The following PCDHGA1 variants were observed in gnomAD, a reference collection of about 807,000 sequenced individuals.
PCDHGA1 encodes the protein protocadherin gamma subfamily A, 1.
In PCDHGA1, 32 loss-of-function variants were observed where a neutral mutation model predicts 58.0. That is an observed-to-expected ratio of 0.55 (90% CI 0.42 to 0.74). The LOEUF is 0.74. Ranked by LOEUF, PCDHGA1 falls within the 30% of genes least tolerant of loss-of-function variation. The pLI, the probability that PCDHGA1 is intolerant of heterozygous loss-of-function variation, is 0.00. For missense variants in PCDHGA1, 1,205 were observed against 1,182.3 expected (o/e 1.02, Z -0.28); for synonymous variants, 498 against 501.1 (o/e 0.99, Z 0.08).
Position 141,431,300 on chromosome 5 carries a change from A to G in PCDHGA1, c.2422-63507A>G, listed in dbSNP as rs200375087. 7.4e-6 allele frequency: 12 copies of G among 1,614,008 alleles called. No homozygotes were observed. Among genetic ancestry groups the G allele is most frequent in the Admixed American group, 1.7e-5 (1 of 60,010 alleles). ...CAGCCCGAACACTCACTTCTCCCTC[A>G]TCGTGCAAAATGGAGCCGACGGTAG... On this transcript the variant is annotated intron_variant, in intron 1 of 3. Coordinates refer to ENST00000517417, the MANE Select transcript of PCDHGA1 (RefSeq NM_018912.3). This position sits in a 1 kb window ranked among gnomAD's most constrained non-coding sequence, Gnocchi z 4.8.
At chr5:141,376,832 G>T (rs1773425503) in intron 1 of PCDHGA1, 2 of 257,250 alleles carry the variant, frequency 7.8e-6, no homozygotes, top group Non-Finnish European at 1.5e-5. Context: ...GACTACAGGC[G>T]CCCGCCACCG....
At chr5:141,473,511 C>T (rs952034051) in intron 1 of PCDHGA1, among the ~76,000 whole-genome samples, 23 of 152,108 alleles carry the variant, frequency 1.5e-4, no homozygotes, top group Non-Finnish European at 3.1e-4. Flanking sequence ...GAGAGCATAA[C>T]AAAGGATCCT....
At chr5:141,430,244 A>G (rs903055705) in intron 1 of PCDHGA1, among the ~76,000 whole-genome samples, 1 of 105,606 alleles carries the variant, frequency 9.5e-6, no homozygotes, top group Non-Finnish European at 1.8e-5. Context: ...AGAAACTCCT[A>G]GGGAGACATC....
chr5:141,482,470 C>T (rs768383368), intron 1 of PCDHGA1, among the ~76,000 whole-genome samples: 8 of 137,876 alleles, frequency 5.8e-5, no homozygotes, highest in Non-Finnish European at 1.2e-4. Flanking sequence ...ATGTGCCAGA[C>T]ACTGTAAACA....
At position 141,432,646 on chromosome 5, in the gene PCDHGA1, G is replaced by A. The variant is rs780822589; in HGVS notation, c.2422-62161G>A. 9.3e-6 allele frequency: 15 copies of A among 1,613,690 alleles called. No individual in the cohort carries two copies. The highest frequency in any genetic ancestry group is 1.3e-5 in the Non-Finnish European group (15 of 1,179,944). ...TGCACACGGGCGAGGTGCGCACGGCGCGAGCCCTGCTGGACAGAGACGCGC... is the reference window on the plus strand; with the variant it reads ...TGCACACGGGCGAGGTGCGCACGGCACGAGCCCTGCTGGACAGAGACGCGC... On this transcript the variant is annotated intron_variant, in intron 1 of 3. Transcript: ENST00000517417. This position sits in a 1 kb window ranked among gnomAD's most constrained non-coding sequence, Gnocchi z 6.0.
Position 141,423,756 on chromosome 5 carries a change from G to GA in PCDHGA1, c.2422-71051_2422-71050insA. ...GCCTGTTATGAAAACTGTTTGGGGGGGGGGTGGGGCGGCATATATTTAGTT... is the reference window on the plus strand; with the variant it reads ...GCCTGTTATGAAAACTGTTTGGGGGGAGGGGTGGGGCGGCATATATTTAGTT... On this transcript the variant is annotated intron_variant, in intron 1 of 3. Transcript: ENST00000517417. 2 of 448,622 alleles carry GA rather than the reference G, an allele frequency of 4.5e-6. 1 individual carries two copies. The highest frequency in any genetic ancestry group is 6.1e-6 in the Non-Finnish European group (2 of 329,708). 27.8% of individuals were successfully genotyped at this position (448,622 alleles called of 1,614,324 possible). A position where few individuals can be genotyped will look rare whatever the true frequency, so the allele number is the denominator to read the frequency against.
chr5:141,477,571 C>T lies in PCDHGA1; in HGVS notation c.2422-17236C>T, dbSNP rs1470454976. The T allele has an allele frequency of 8.1e-6, 13 of 1,614,160 alleles. No individual in the cohort carries two copies. Among genetic ancestry groups the T allele is most frequent in the Middle Eastern group, 1.7e-4 (1 of 6,060 alleles). ...TAAACCTAAGTGTCTGGGACCCCGACGCCCCGCAGAATGCTCGGCTTTCTT... is the reference window on the plus strand; with the variant it reads ...TAAACCTAAGTGTCTGGGACCCCGATGCCCCGCAGAATGCTCGGCTTTCTT... On this transcript the variant is annotated intron_variant, in intron 1 of 3. Transcript: ENST00000517417. This position sits in a 1 kb window ranked among gnomAD's most constrained non-coding sequence, Gnocchi z 4.9.
chr5:141,346,123 T>C lies in PCDHGA1; in HGVS notation c.2421+13018T>C, dbSNP rs775333525. On this transcript the variant is annotated intron_variant, in intron 1 of 3. Coordinates refer to ENST00000517417, the MANE Select transcript of PCDHGA1 (RefSeq NM_018912.3). The stretch of plus-strand genomic sequence containing the variant: ...CTCACTCTGTACCTGGTGGTGGCGG[T>C]GGCCGCGGTCTCCTGCGTCTTCCTG... 102 of 1,613,900 alleles carry C rather than the reference T, an allele frequency of 6.3e-5. No homozygotes were observed. The highest frequency in any genetic ancestry group is 1.7e-4 in the African/African-American group (13 of 75,048).
chr5:141,336,784 A>C (rs1243477944), intron 1 of PCDHGA1, among the ~76,000 whole-genome samples: 2 of 152,236 alleles, frequency 1.3e-5, no homozygotes, highest in African/African-American at 2.4e-5. Context: ...AAAAAATTGT[A>C]TACTGGACTT....
intron 3 of PCDHGA1, chr5:141,508,127 G>A (rs1220643878): frequency 6.6e-6 from 1 of 152,628 alleles, no homozygotes; most frequent in Non-Finnish European, 1.5e-5. Context: ...ACAGAGGGAG[G>A]TCAGGGAGCT....
At chr5:141,340,469 C>A in intron 1 of PCDHGA1, 1 of 1,614,224 alleles carries the variant, frequency 6.2e-7, no homozygotes, top group Admixed American at 1.7e-5. Flanking sequence ...TCAGGGGGCA[C>A]CCTTATCCTC....
chr5:141,389,622 G>C, intron 1 of PCDHGA1: 1 of 1,612,970 alleles, frequency 6.2e-7, no homozygotes, highest in South Asian at 1.1e-5. Context: ...GCCGCACGCT[G>C]CAGAGCCTGG....
intron 1 of PCDHGA1, chr5:141,357,059 G>T: frequency 6.2e-7 from 1 of 1,613,980 alleles, no homozygotes; most frequent in Non-Finnish European, 8.5e-7. Context: ...TTTGCAGTGG[G>T]GCTGCACACA....
chr5:141,362,901 G>C (rs1323871801), intron 1 of PCDHGA1, among the ~76,000 whole-genome samples: 2 of 152,148 alleles, frequency 1.3e-5, no homozygotes, highest in Non-Finnish European at 2.9e-5. Flanking sequence ...CTTCCTCTTA[G>C]AATCATAATA....
At chr5:141,414,037 T>C (rs769920301) in intron 1 of PCDHGA1, 2 of 1,611,060 alleles carry the variant, frequency 1.2e-6, no homozygotes, top group Admixed American at 1.7e-5. Context: ...ATTCCGAAAA[T>C]TACCTGACAC....
intron 1 of PCDHGA1, chr5:141,442,111 C>A: frequency 6.0e-6 from 1 of 166,354 alleles, no homozygotes; most frequent in Non-Finnish European, 1.3e-5. Context: ...CACTACCGCC[C>A]CTCGTCGCCG....
At chr5:141,400,301 C>T in intron 1 of PCDHGA1, 3 of 1,614,084 alleles carry the variant, frequency 1.9e-6, no homozygotes, top group Non-Finnish European at 2.5e-6. Flanking sequence ...TGCTTCCAAC[C>T]TGGTCTCTGT....
chr5:141,488,437 C>A (rs1327345486), intron 1 of PCDHGA1, among the ~76,000 whole-genome samples: 2 of 152,210 alleles, frequency 1.3e-5, no homozygotes, highest in Non-Finnish European at 2.9e-5. Context: ...CCTCTGACCA[C>A]CCTCCTGGGT....
chr5:141,427,983 C>G, intron 1 of PCDHGA1: 2 of 1,596,840 alleles, frequency 1.3e-6, no homozygotes, highest in South Asian at 2.2e-5. Context: ...CGCGCTGGGG[C>G]CCGATGGCTC....
Sources: gnomAD v4.1 joint callset for allele counts (sites outside exome capture counted in the v4.1 genomes callset) on GRCh38, gnomAD v4.1.1 for gene constraint, Gnocchi (gnomAD v3.1) non-coding constraint, MANE v1.5 for transcripts, NCBI Gene and HGNC (gene_info 2026-07-23, HGNC 2026-07-21) for gene names.